TADA1: variants seen among roughly 807,000 people sequenced by gnomAD.
TADA1 encodes transcriptional adapter 1.
TADA1 carries 23 observed loss-of-function variants against 39.3 expected under a neutral mutation model. That is an observed-to-expected ratio of 0.58 (90% CI 0.42 to 0.83). The LOEUF (loss-of-function observed/expected upper bound fraction) is 0.83, where lower values mean the gene tolerates loss of function less well. Ranked by LOEUF, TADA1 falls within the 40% of genes least tolerant of loss-of-function variation. The probability of loss-of-function intolerance (pLI) is 0.00; values close to 1 mark genes in which losing one functional copy is unlikely to be tolerated. For synonymous variants in TADA1, 137 were observed against 151.8 expected (o/e 0.90, Z 0.72); for missense variants, 352 against 408.1 (o/e 0.86, Z 1.18).
At chr1:166,860,816 C>G (rs1319005455) in intron 5 of TADA1, among the ~76,000 whole-genome samples, 2 of 152,072 alleles carry the variant, frequency 1.3e-5, no homozygotes, top group East Asian at 3.9e-4. Flanking sequence ...ATTACAGGTG[C>G]CCACCACCAA....
At chr1:166,861,233 T>C (rs1484006455) in intron 5 of TADA1, among the ~76,000 whole-genome samples, 6 of 152,152 alleles carry the variant, frequency 3.9e-5, no homozygotes, top group Admixed American at 1.3e-4. Context: ...CCATTATTAA[T>C]AGGGGAGCCA....
intron 4 of TADA1, 163 bp from the exon 5 acceptor site, chr1:166,862,575 T>G: frequency 1.6e-6 from 1 of 618,620 alleles, no homozygotes; most frequent in Non-Finnish European, 2.8e-6. Context: ...TAATCACAGA[T>G]TCACATCCAA....
Position 166,862,249 on chromosome 1 carries a change from T to C in TADA1, c.494A>G (p.Asp165Gly), listed in dbSNP as rs749061947. 6.2e-7 allele frequency: 1 copy of C among 1,613,858 alleles called. No homozygotes were observed. Among genetic ancestry groups the C allele is most frequent in the Non-Finnish European group, 8.5e-7 (1 of 1,179,974 alleles). Residue 165 changes from aspartate (D) to glycine (G), a missense_variant, in exon 5 of 8, where the codon GAC (aspartate) becomes GGC (glycine). Physicochemically the swap from Asp to Gly is moderately conservative, Grantham distance 94. Coordinates refer to ENST00000367874, the MANE Select transcript of TADA1 (RefSeq NM_053053.4). ...MIVTAYEHGL[D>G]NVTEEAVSAV... ...TGAAACAGCCTCCTCGGTGACATTG[T>C]CCAGCCCATGCTCATAAGCAGTCAC...
chr1:166,865,015 T>C (rs1289404662), intron 3 of TADA1, among the ~76,000 whole-genome samples: 3 of 151,760 alleles, frequency 2.0e-5, no homozygotes. Flanking sequence ...TTCTTAAACA[T>C]GAAAAGGACA....
Position 166,863,846 on chromosome 1 carries a change from G to A in TADA1, c.308C>T (p.Ser103Phe). The change falls in exon 4 of 8, where the codon TCT (serine) becomes TTT (phenylalanine). Residue 103 changes from serine to phenylalanine, a missense_variant. This residue lies in a region of TADA1 where 285 missense variants were observed against 310.9 expected (regional missense o/e 0.92). Coordinates refer to ENST00000367874, the MANE Select transcript of TADA1 (RefSeq NM_053053.4). The stretch of plus-strand genomic sequence containing the variant: ...TACATCAAATTTCTGACGAACAGAA[G>A]AAAGCTTTTTCTTTCCCTTGGGTTT... ...PGKPKGKKKL[S>F]SVRQKFDHRF... The A allele has an allele frequency of 6.2e-7, 1 of 1,611,934 alleles. No individual in the cohort carries two copies. The highest frequency in any genetic ancestry group is 1.1e-5 in the South Asian group (1 of 90,528).
At chr1:166,874,353 G>T (rs1658720865) in intron 1 of TADA1, among the ~76,000 whole-genome samples, 1 of 151,862 alleles carries the variant, frequency 6.6e-6, no homozygotes, top group South Asian at 2.1e-4. Flanking sequence ...AAAAAAAAAG[G>T]TAAATTTTAT....
At chr1:166,876,017 G>A (rs1658760404) in intron 1 of TADA1, 143 bp downstream of exon 1, 5 of 776,026 alleles carry the variant, frequency 6.4e-6, no homozygotes, top group Non-Finnish European at 7.6e-6. Context: ...GCCCCGGCCG[G>A]AGAAACCCCG....
At chr1:166,872,409 T>C (rs970288562) in intron 1 of TADA1, among the ~76,000 whole-genome samples, 4 of 152,142 alleles carry the variant, frequency 2.6e-5, no homozygotes, top group Admixed American at 2.6e-4. Flanking sequence ...CGGTGGCTCA[T>C]GCCTATAATC....
intron 6 of TADA1, 134 bp from the exon 7 acceptor site, chr1:166,858,415 C>T (rs956068082): frequency 3.7e-6 from 2 of 543,360 alleles, no homozygotes; most frequent in Non-Finnish European, 6.1e-6. Flanking sequence ...CTCCTGTAGA[C>T]ATGAATAATC....
Position 166,863,914 on chromosome 1 carries a change from A to AG in TADA1, c.239dup (p.Gly81TrpfsTer30). On this transcript the variant is annotated frameshift_variant, in exon 4 of 8. Coordinates refer to ENST00000367874, the MANE Select transcript of TADA1 (RefSeq NM_053053.4). LOFTEE classifies it high-confidence loss of function. ...AACCCCCTGGCCAAGGCAAAGATCC[A>AG]GCACCATCTAGGAGACAGAAATATA... 6.2e-7 allele frequency: 1 copy of AG among 1,607,680 alleles called. No individual in the cohort carries two copies. Among genetic ancestry groups the AG allele is most frequent in the Non-Finnish European group, 8.5e-7 (1 of 1,178,518 alleles).
Position 166,873,879 on chromosome 1 carries a change from G to C in TADA1, c.74+2281C>G, listed in dbSNP as rs536896350. 6.6e-5 allele frequency among the ~76,000 whole-genome samples: 10 copies of C among 152,208 alleles called. No individual in the cohort carries two copies. In the South Asian group the frequency reaches 2.1e-3, roughly 32 times the overall value. On this transcript the variant is annotated intron_variant, in intron 1 of 7. Coordinates refer to ENST00000367874, the MANE Select transcript of TADA1 (RefSeq NM_053053.4). Reference sequence around the variant, plus strand: ...AAACACTTTTGGCAGCCCTGAACCTGTAACTGATGAGTATGGGATGACAGA... The same window carrying C: ...AAACACTTTTGGCAGCCCTGAACCTCTAACTGATGAGTATGGGATGACAGA...
chr1:166,874,820 A>G (rs1027987244), intron 1 of TADA1, among the ~76,000 whole-genome samples: 1 of 152,256 alleles, frequency 6.6e-6, no homozygotes, highest in African/African-American at 2.4e-5. Context: ...GCGTAAATAA[A>G]TGTTCACCAA....
At chr1:166,871,636 G>C (rs1251096108) in intron 1 of TADA1, among the ~76,000 whole-genome samples, 1 of 152,110 alleles carries the variant, frequency 6.6e-6, no homozygotes, top group Non-Finnish European at 1.5e-5. Context: ...CTTAACAACA[G>C]AACACATGCA....
intron 1 of TADA1, 114 bp from the exon 2 acceptor site, chr1:166,869,968 T>G (rs1018295678): frequency 1.8e-5 from 15 of 813,356 alleles, no homozygotes; most frequent in Non-Finnish European, 2.8e-5. Context: ...CAGGCTGGAG[T>G]GCAGGGGAAC....
chr1:166,865,367 A>G (rs917416290), intron 3 of TADA1, among the ~76,000 whole-genome samples: 66 of 152,158 alleles, frequency 4.3e-4, no homozygotes, highest in African/African-American at 1.5e-3. Context: ...ACAAAAAACA[A>G]AAAGTAGTTG....
chr1:166,874,812 G>A (rs757240859), intron 1 of TADA1, among the ~76,000 whole-genome samples: 7 of 152,166 alleles, frequency 4.6e-5, no homozygotes, highest in East Asian at 1.9e-4. Flanking sequence ...ATCTCTGGGC[G>A]TAAATAAATG....
In TADA1 at chr1:166,869,236, G is replaced by A. The variant is rs1002562067; in HGVS notation, c.232+209C>T. The A allele has an allele frequency of 5.2e-5, 27 of 518,428 alleles. No individual in the cohort carries two copies. The Admixed American group carries it at 7.6e-4, about 15-fold the overall frequency. 32.1% of individuals were successfully genotyped at this position (518,428 alleles called of 1,614,324 possible). The stretch of plus-strand genomic sequence containing the variant: ...AATGTATGCCAAGAACTGAAAATGA[G>A]AAATCATACCTTTTTCTTAAAAATA... On this transcript the variant is annotated intron_variant, in intron 3 of 7. Coordinates refer to ENST00000367874, the MANE Select transcript of TADA1 (RefSeq NM_053053.4).
At chr1:166,869,742 C>G (rs754687700) in intron 2 of TADA1, 21 bp downstream of exon 2, 1 of 1,581,938 alleles carries the variant, frequency 6.3e-7, no homozygotes. Context: ...AGTAAAATAA[C>G]TCTGCAGATA....
chr1:166,862,089 A>C, intron 5 of TADA1, 114 bp downstream of exon 5: 3 of 1,061,958 alleles, frequency 2.8e-6, no homozygotes, highest in Non-Finnish European at 4.2e-6. Context: ...AACAATGACA[A>C]TTCTGTGAAA....
Sources: allele counts gnomAD v4.1 joint callset (sites outside exome capture counted in the v4.1 genomes callset), GRCh38; gene constraint gnomAD v4.1.1; regional missense constraint gnomAD v4.1.1; transcripts MANE v1.5; gene names NCBI Gene and HGNC (gene_info 2026-07-23, HGNC 2026-07-21).